NAA20: variants seen among roughly 807,000 people sequenced by gnomAD.
NAA20 encodes N-alpha-acetyltransferase 20.
NAA20 carries 24 observed loss-of-function variants against 23.8 expected under a neutral mutation model. The ratio of observed to expected loss-of-function variants is 1.01; its 90% CI spans 0.73 to 1.42. The LOEUF is 1.42. Ranked by LOEUF, NAA20 falls within the 40% of genes most tolerant of loss-of-function variation. The pLI is 0.00. For missense variants in NAA20, 166 were observed against 223.1 expected (o/e 0.74, Z 1.63); for synonymous variants, 83 against 77.7 (o/e 1.07, Z -0.36).
chr20:20,025,371 T>C (rs540554108), intron 2 of NAA20, among the ~76,000 whole-genome samples: 1 of 152,278 alleles, frequency 6.6e-6, no homozygotes, highest in South Asian at 2.1e-4. Context: ...AGGTGATAAA[T>C]GGAGAGACTT....
chr20:20,019,363 T>C (rs1019646048), intron 1 of NAA20, among the ~76,000 whole-genome samples: 2 of 152,122 alleles, frequency 1.3e-5, no homozygotes, highest in Non-Finnish European at 1.5e-5. Context: ...GGCTTCAGTT[T>C]GGGAGGTGCA....
rs879902360 is a variant in NAA20 at position 20,021,044 on chromosome 20, G to A, written c.54-1412G>A. ...TGTGCGTGGGTTCGGTGGGCGGGGG[G>A]GGGGGGGGACTTTGGCAAAGACTTC... On this transcript the variant is annotated intron_variant, in intron 1 of 5. Transcript: ENST00000334982. Among the ~76,000 whole-genome samples, 172 of 140,854 alleles carry A rather than the reference G, an allele frequency of 1.2e-3. 4 individuals carry two copies. In the East Asian group the frequency reaches 0.014, roughly 12 times the overall value. The allele number at this position is 140,854 out of a possible 152,430, so 92.4% of individuals were successfully genotyped here. A position where few individuals can be genotyped will look rare whatever the true frequency, so the allele number is the denominator to read the frequency against.
At chr20:20,027,135 A>G (rs2043312128) in intron 4 of NAA20, among the ~76,000 whole-genome samples, 1 of 152,222 alleles carries the variant, frequency 6.6e-6, no homozygotes, top group South Asian at 2.1e-4. Context: ...GACCCGCTAT[A>G]GGCCTATAAG....
intron 1 of NAA20, among the ~76,000 whole-genome samples, chr20:20,021,036 GGC>G (rs1454088434): frequency 3.3e-5 from 4 of 121,650 alleles, no homozygotes; most frequent in African/African-American, 9.6e-5. Flanking sequence ...GGGTTCGGTG[GGC>G]GGGGGGGGGG....
intron 3 of NAA20, among the ~76,000 whole-genome samples, chr20:20,026,310 A>AG (rs2043306002): frequency 6.6e-6 from 1 of 152,048 alleles, no homozygotes; most frequent in African/African-American, 2.4e-5. Flanking sequence ...GTCTCAAAAA[A>AG]AAAAAAAAAA....
Position 20,032,542 on chromosome 20 carries a change from G to C in NAA20, c.340G>C (p.Val114Leu). The stretch of plus-strand genomic sequence containing the variant: ...ATTTTTTGTGGATCTCTTTGTAAGA[G>C]TATCTAACCAAGTTGCAGTTAACAT... ...GGFFVDLFVRVSNQVAVNMYK... is the reference protein window; with the variant it reads ...GGFFVDLFVRLSNQVAVNMYK... Residue 114 changes from valine to leucine, a missense_variant, in exon 5 of 6, where the codon GTA becomes CTA. Val to Leu is a conservative substitution (Grantham distance 32, BLOSUM62 1). Transcript: ENST00000334982. 6.2e-7 allele frequency: 1 copy of C among 1,613,276 alleles called. No homozygotes were observed. The highest frequency in any genetic ancestry group is 8.5e-7 in the Non-Finnish European group (1 of 1,179,592).
At chr20:20,027,705 C>T (rs964224145) in intron 4 of NAA20, among the ~76,000 whole-genome samples, 11 of 151,528 alleles carry the variant, frequency 7.3e-5, no homozygotes, top group African/African-American at 2.4e-4. Flanking sequence ...GAGTTTGGGA[C>T]ACCTTAGGGC....
Position 20,033,569 on chromosome 20 carries a change from T to C in NAA20, c.*382T>C, listed in dbSNP as rs2043364482. The C allele has an allele frequency of 6.1e-6, 1 of 163,082 alleles. No individual in the cohort carries two copies. The highest frequency in any genetic ancestry group is 2.4e-5 in the African/African-American group (1 of 41,744). 10.1% of individuals were successfully genotyped at this position (163,082 alleles called of 1,614,324 possible). On this transcript the variant is annotated 3_prime_UTR_variant, in exon 6 of 6. Transcript: ENST00000334982. ...TTTGTATTGAACTGTTAATTGAAGC[T>C]TTAAAAGCATATATGAAATGTATAA...
intron 4 of NAA20, among the ~76,000 whole-genome samples, chr20:20,027,850 G>C (rs564172522): frequency 1.3e-5 from 2 of 151,260 alleles, no homozygotes; most frequent in African/African-American, 4.9e-5. Context: ...GCCCCTCCTC[G>C]TATCTTCATT....
intron 4 of NAA20, 116 bp downstream of exon 4, chr20:20,027,035 TC>T: frequency 7.5e-7 from 1 of 1,326,450 alleles, no homozygotes; most frequent in Non-Finnish European, 1.1e-6. Flanking sequence ...ATCTTCCATC[TC>T]CAGTAGTCCT....
intron 5 of NAA20, among the ~76,000 whole-genome samples, 155 bp from the exon 6 acceptor site, chr20:20,032,947 A>G (rs1354955451): frequency 6.6e-6 from 1 of 152,224 alleles, no homozygotes; most frequent in East Asian, 1.9e-4. Context: ...CATCTGGTAC[A>G]CTTGGCAATT....
chr20:20,032,722 A>G (rs1251819008), intron 5 of NAA20, 69 bp downstream of exon 5: 1 of 1,465,580 alleles, frequency 6.8e-7, no homozygotes, highest in Non-Finnish European at 9.1e-7. Context: ...AGATTGTAGT[A>G]TTTGATTATT....
Position 20,032,654 on chromosome 20 carries a change from G to A in NAA20, c.451+1G>A, listed in dbSNP as rs113590596. On this transcript the variant is annotated splice_donor_variant, in intron 5 of 5. Coordinates refer to ENST00000334982, the MANE Select transcript of NAA20 (RefSeq NM_016100.5). LOFTEE classifies it high-confidence loss of function. ...GGGGAGCCTGATGAGGACGCTTATG[G>A]TAAGCTCCCTTCCATGGCAGTATCC... is the stretch of plus-strand genomic sequence containing the variant. 3.1e-6 allele frequency: 5 copies of A among 1,593,340 alleles called. No individual in the cohort carries two copies. Among genetic ancestry groups the A allele is most frequent in the Non-Finnish European group, 4.3e-6 (5 of 1,171,672 alleles).
At chr20:20,031,013 A>G (rs1231058570) in intron 4 of NAA20, among the ~76,000 whole-genome samples, 1 of 152,232 alleles carries the variant, frequency 6.6e-6, no homozygotes. Flanking sequence ...GCGATAAACT[A>G]TCACTGGATT....
At chr20:20,030,958 T>TA (rs935421402) in intron 4 of NAA20, among the ~76,000 whole-genome samples, 2 of 152,210 alleles carry the variant, frequency 1.3e-5, no homozygotes, top group Non-Finnish European at 2.9e-5. Flanking sequence ...CTCTGACATT[T>TA]AAAAAACTTT....
chr20:20,025,767 A>G lies in NAA20; in HGVS notation c.169A>G (p.Ile57Val), dbSNP rs1007846796. 2 of 1,573,640 alleles carry G rather than the reference A, an allele frequency of 1.3e-6. No individual in the cohort carries two copies. Among genetic ancestry groups the G allele is most frequent in the Non-Finnish European group, 1.7e-6 (2 of 1,143,336 alleles). The stretch of plus-strand genomic sequence containing the variant: ...ACCTGGTGGAGAATTAATGGGTTAT[A>G]GTAAGTATAATACCACTAGTATTTT... ...EAPGGELMGY[I>V]MGKAEGSVAR... The change falls in exon 3 of 6, where the codon ATT (isoleucine) becomes GTT (valine). Residue 57 changes from isoleucine to valine, a missense_variant and splice_region_variant. Physicochemically the swap from Ile to Val is conservative, Grantham distance 29. Coordinates refer to ENST00000334982, the MANE Select transcript of NAA20 (RefSeq NM_016100.5).
In NAA20 at chr20:20,017,807, T is replaced by TGG. The variant is rs780771224; in HGVS notation, c.53+360_53+361dup. On this transcript the variant is annotated intron_variant, in intron 1 of 5. Coordinates refer to ENST00000334982, the MANE Select transcript of NAA20 (RefSeq NM_016100.5). The stretch of plus-strand genomic sequence containing the variant: ...GAGACGCGGCCTGGAGCCCACGACC[T>TGG]GGGCTTCTCGCCCTGCCCTACTGCT... 2.2e-3 allele frequency: 3,276 copies of TGG among 1,460,262 alleles called. 7 individuals are homozygous for TGG. Among genetic ancestry groups the TGG allele is most frequent in the Non-Finnish European group, 2.9e-3 (3,166 of 1,107,892 alleles). The allele number at this position is 1,460,262 out of a possible 1,614,324, so 90.5% of individuals were successfully genotyped here. A position where few individuals can be genotyped will look rare whatever the true frequency, so the allele number is the denominator to read the frequency against.
intron 1 of NAA20, among the ~76,000 whole-genome samples, chr20:20,020,833 CAA>C (rs1350429905): frequency 6.6e-6 from 1 of 152,084 alleles, no homozygotes; most frequent in Admixed American, 6.5e-5. Flanking sequence ...GGAAGCTGTT[CAA>C]GAGGAGCTGA....
chr20:20,021,048 G>A (rs866637466), intron 1 of NAA20, among the ~76,000 whole-genome samples: 2 of 135,832 alleles, frequency 1.5e-5, no homozygotes, highest in Non-Finnish European at 3.2e-5. Context: ...CGGGGGGGGG[G>A]GGGGACTTTG....
Sources: gnomAD v4.1 joint callset for allele counts (sites outside exome capture counted in the v4.1 genomes callset) on GRCh38, gnomAD v4.1.1 for gene constraint, MANE v1.5 for transcripts, NCBI Gene and HGNC (gene_info 2026-07-23, HGNC 2026-07-21) for gene names.